Variants in ABCA1 observed in about 807,000 individuals in gnomAD.
ABCA1 encodes the protein phospholipid-transporting ATPase ABCA1.
Under a neutral mutation model 262.5 loss-of-function variants are expected in ABCA1, and 133 were observed. The observed-to-expected ratio is 0.51, with a 90% CI of 0.44 to 0.59. ABCA1 has a LOEUF of 0.59. Among genes scored for constraint, ABCA1 ranks in the 20% least tolerant of loss-of-function variants. The pLI, the probability that ABCA1 is intolerant of heterozygous loss-of-function variation, is 0.00. For synonymous variants in ABCA1, 1,022 were observed against 1,043.5 expected, an observed-to-expected ratio of 0.98 and a Z score of 0.40; for missense variants, 2,452 against 2,777.5, an observed-to-expected ratio of 0.88 and a Z score of 2.63.
chr9:104,904,866 T>C (rs2254708), intron 1 of ABCA1, among the ~76,000 whole-genome samples: 23,711 of 152,150 alleles, frequency 0.16, 2,003 homozygotes, highest in South Asian at 0.29. Context: ...CCCTACTCCG[T>C]TGGGTGTCAC....
At chr9:104,924,126 G>A (rs1366130022) in intron 1 of ABCA1, among the ~76,000 whole-genome samples, 3 of 152,150 alleles carry the variant, frequency 2.0e-5, no homozygotes, top group African/African-American at 7.2e-5. Flanking sequence ...ATTCAACACT[G>A]CAATAACTTT....
At chr9:104,872,625 T>C (rs879551582) in intron 5 of ABCA1, among the ~76,000 whole-genome samples, 13 of 152,246 alleles carry the variant, frequency 8.5e-5, no homozygotes, top group South Asian at 2.1e-4. Context: ...AAATGTAAAA[T>C]GGTATCATTA....
In ABCA1 at chr9:104,816,308, C is replaced by T. The variant is rs777013532; in HGVS notation, c.3573G>A (p.Val1191=). The T allele has an allele frequency of 6.2e-7, 1 of 1,614,050 alleles. No individual in the cohort carries two copies. The highest frequency in any genetic ancestry group is 1.1e-5 in the South Asian group (1 of 91,068). ...TGTCTTCCACCAGCCGGGCTTCAGA[C>T]ACATGCTTCCTGATGAGGTTGGAGA... is the stretch of plus-strand genomic sequence containing the variant. ...SAISNLIRKH[V]SEARLVEDIG... Residue 1191 remains valine (V), a synonymous_variant, in exon 25 of 50, where the codon GTG becomes GTA. Coordinates refer to ENST00000374736, the MANE Select transcript of ABCA1 (RefSeq NM_005502.4).
At chr9:104,820,100 C>A (rs769243353) in intron 20 of ABCA1, 31 bp from the exon 21 acceptor site, 1 of 1,613,836 alleles carries the variant, frequency 6.2e-7, no homozygotes, top group South Asian at 1.1e-5. Context: ...CAGCTCTGGG[C>A]CCTACTGGAT....
In ABCA1 at chr9:104,798,401, C is replaced by T. The variant is rs761632838; in HGVS notation, c.5121+20G>A. 6 of 1,613,588 alleles carry T rather than the reference C, an allele frequency of 3.7e-6. No homozygotes were observed. In the Admixed American group the frequency reaches 6.7e-5, roughly 18 times the overall value. Reference sequence around the variant, plus strand: ...GGCCCTGACAGACATCAGAAAGATACAGCAGGCCTGTGTCCTTACCATATC... The same window carrying T: ...GGCCCTGACAGACATCAGAAAGATATAGCAGGCCTGTGTCCTTACCATATC... On this transcript the variant is annotated intron_variant, in intron 37 of 49. Transcript: ENST00000374736.
rs1376197004 is a variant in ABCA1 at position 104,828,951 on chromosome 9, G to A, written c.2080C>T (p.Leu694Phe). Residue 694 changes from leucine to phenylalanine, a missense_variant, in exon 15 of 50, where the codon CTT (leucine) becomes TTT (phenylalanine). Coordinates refer to ENST00000374736, the MANE Select transcript of ABCA1 (RefSeq NM_005502.4). Reference sequence around the variant, plus strand: ...ACCACTAGCAGGCCAGCGCTCACAAGAAGAGGAATGAGGCTACTAATGAAC... The same window carrying A: ...ACCACTAGCAGGCCAGCGCTCACAAAAAGAGGAATGAGGCTACTAATGAAC... ...SWFISSLIPL[L>F]VSAGLLVVIL... 6.2e-7 allele frequency: 1 copy of A among 1,614,194 alleles called. No individual in the cohort carries two copies. The highest frequency in any genetic ancestry group is 2.2e-5 in the East Asian group (1 of 44,880).
intron 9 of ABCA1, among the ~76,000 whole-genome samples, chr9:104,839,521 TTTGTTG>T (rs58815879): frequency 1.3e-5 from 2 of 151,916 alleles, no homozygotes; most frequent in Admixed American, 6.6e-5. Flanking sequence ...ATGTTAGTTC[TTTGTTG>T]TTGTTGTTGT....
intron 39 of ABCA1, among the ~76,000 whole-genome samples, chr9:104,795,320 T>C (rs920238628): frequency 1.3e-5 from 2 of 152,132 alleles, no homozygotes; most frequent in Non-Finnish European, 2.9e-5. Flanking sequence ...CAGGAAGAGT[T>C]GTGCAACTGT....
chr9:104,846,017 ACT>A (rs1352150053), intron 7 of ABCA1, among the ~76,000 whole-genome samples: 1 of 152,194 alleles, frequency 6.6e-6, no homozygotes, highest in Non-Finnish European at 1.5e-5. Context: ...GAATTCTGTC[ACT>A]CTGTTCAAGT....
At chr9:104,815,041 C>T (rs1012637095) in intron 25 of ABCA1, among the ~76,000 whole-genome samples, 7 of 152,116 alleles carry the variant, frequency 4.6e-5, no homozygotes, top group African/African-American at 7.2e-5. Flanking sequence ...ACAGACACTG[C>T]GCAGAAGAAA....
rs970801376 is a variant in ABCA1, at chr9:104,907,277, G to C, written c.-92-3506C>G. ...GGCTAATGCCTAGGTCTCAAACTTA[G>C]GTCTCCACTTCTTCAATGTCCTTTC... On this transcript the variant is annotated intron_variant, in intron 1 of 49. Coordinates refer to ENST00000374736, the MANE Select transcript of ABCA1 (RefSeq NM_005502.4). Among the ~76,000 whole-genome samples the C allele has an allele frequency of 2.8e-4, 43 of 152,214 alleles. 1 individual carries two copies. Among genetic ancestry groups the C allele is most frequent in the Middle Eastern group, 3.4e-3 (1 of 294 alleles).
At position 104,832,600 on chromosome 9, in the gene ABCA1, T is replaced by C. The variant is rs1833442176; in HGVS notation, c.1483A>G (p.Ile495Val). Reference sequence around the variant, plus strand: ...TCCATGAAGCGAGATATGGTCCGGATTGCCTGGTTAGTCTCGTTGAAAGCT... The same window carrying C: ...TCCATGAAGCGAGATATGGTCCGGACTGCCTGGTTAGTCTCGTTGAAAGCT... ...REAFNETNQA[I>V]RTISRFMECV... is the part of the protein sequence containing the mutation. The change falls in exon 12 of 50, where the codon ATC becomes GTC. Residue 495 changes from isoleucine to valine, a missense_variant. Around this residue, in one of 4 missense-constraint regions of ABCA1, gnomAD observed 1,032 missense variants for 1,089.7 expected, o/e 0.95. Transcript: ENST00000374736. 1.9e-6 allele frequency: 3 copies of C among 1,614,094 alleles called. No individual in the cohort carries two copies. The highest frequency in any genetic ancestry group is 2.5e-6 in the Non-Finnish European group (3 of 1,180,038).
Position 104,817,260 on chromosome 9 carries a change from T to A in ABCA1, c.3535+72A>T, listed in dbSNP as rs1456797420. Reference sequence around the variant, plus strand: ...GCGCCACCAGCCTCTGCACCTCTCCTCCTCTGCCTCCACTCTGCCCAGCTG... The same window carrying A: ...GCGCCACCAGCCTCTGCACCTCTCCACCTCTGCCTCCACTCTGCCCAGCTG... On this transcript the variant is annotated intron_variant, in intron 24 of 49. Coordinates refer to ENST00000374736, the MANE Select transcript of ABCA1 (RefSeq NM_005502.4). The surrounding 1 kb of genome is among the most constrained non-coding windows in gnomAD (Gnocchi z 4.7). 16 of 1,612,124 alleles carry A rather than the reference T, an allele frequency of 9.9e-6. No homozygotes were observed. Among genetic ancestry groups the A allele is most frequent in the Non-Finnish European group, 1.4e-5 (16 of 1,179,294 alleles).
chr9:104,787,170 T>C (rs907217434), intron 46 of ABCA1, among the ~76,000 whole-genome samples, 194 bp from the exon 47 acceptor site: 4 of 152,212 alleles, frequency 2.6e-5, no homozygotes, highest in Admixed American at 6.5e-5. Flanking sequence ...AAATGTCTTA[T>C]TGATGCAGGA....
At chr9:104,918,616 A>G (rs2118524330) in intron 1 of ABCA1, among the ~76,000 whole-genome samples, 1 of 152,326 alleles carries the variant, frequency 6.6e-6, no homozygotes, top group East Asian at 1.9e-4. Flanking sequence ...ATAAATATGT[A>G]TTGTTGTTGT....
In ABCA1 at chr9:104,809,080, G is replaced by A. The variant is rs180701933; in HGVS notation, c.4274+386C>T. Reference sequence around the variant, plus strand: ...TGCCATCTTTTCAGATTATAAAAGCGAAGAAGCTGATAAGCAAAACCTAAA... The same window carrying A: ...TGCCATCTTTTCAGATTATAAAAGCAAAGAAGCTGATAAGCAAAACCTAAA... On this transcript the variant is annotated intron_variant, in intron 30 of 49. Transcript: ENST00000374736. 8.1e-4 allele frequency among the ~76,000 whole-genome samples: 123 copies of A among 152,324 alleles called. 1 individual carries two copies. Among genetic ancestry groups the A allele is most frequent in the Non-Finnish European group, 7.2e-4 (49 of 68,030 alleles).
intron 7 of ABCA1, among the ~76,000 whole-genome samples, chr9:104,852,470 T>C (rs757763765): frequency 1.3e-5 from 2 of 152,230 alleles, no homozygotes; most frequent in Non-Finnish European, 2.9e-5. Flanking sequence ...TTTCTAAACA[T>C]AGTTAAATAC....
chr9:104,917,175 A>G (rs1465490515), intron 1 of ABCA1, among the ~76,000 whole-genome samples: 1 of 152,202 alleles, frequency 6.6e-6, no homozygotes, highest in African/African-American at 2.4e-5. Flanking sequence ...AGTCAGAGAG[A>G]CAAGAGTTTG....
chr9:104,889,010 A>G lies in ABCA1; in HGVS notation c.160+92T>C, dbSNP rs551118980. ...AGCATGTGTGATGTTTCCCAAAGAC[A>G]GCATCTTTGGAAAAGTCCAATTTAG... On this transcript the variant is annotated intron_variant, in intron 3 of 49. Coordinates refer to ENST00000374736, the MANE Select transcript of ABCA1 (RefSeq NM_005502.4). 24 of 1,102,000 alleles carry G rather than the reference A, an allele frequency of 2.2e-5. No homozygotes were observed. The Admixed American group carries it at 2.6e-4, about 12-fold the overall frequency. The allele number at this position is 1,102,000 out of a possible 1,614,324, so 68.3% of individuals were successfully genotyped here.
Sources: allele counts gnomAD v4.1 joint callset (sites outside exome capture counted in the v4.1 genomes callset), GRCh38; gene constraint gnomAD v4.1.1; regional missense constraint gnomAD v4.1.1; non-coding constraint Gnocchi (gnomAD v3.1); transcripts MANE v1.5; gene names NCBI Gene and HGNC (gene_info 2026-07-23, HGNC 2026-07-21).